RGCC: variants seen among roughly 807,000 people sequenced by gnomAD.
The protein encoded by RGCC is regulator of cell cycle RGCC.
Under a neutral mutation model 15.4 loss-of-function variants are expected in RGCC, and 15 were observed. The observed-to-expected ratio is 0.97, with a 90% CI of 0.65 to 1.50. The LOEUF (loss-of-function observed/expected upper bound fraction) is 1.50. Ranked by LOEUF, RGCC falls within the 40% of genes most tolerant of loss-of-function variation. The pLI is 0.00. For missense variants in RGCC, 176 were observed against 189.7 expected, an observed-to-expected ratio of 0.93 and a Z score of 0.42; for synonymous variants, 81 against 78.0, an observed-to-expected ratio of 1.04 and a Z score of -0.20.
chr13:41,467,010 C>T, intron 3 of RGCC, 80 bp downstream of exon 3: 1 of 880,338 alleles, frequency 1.1e-6, no homozygotes, highest in African/African-American at 1.7e-5. Context: ...TCCCTTTTAT[C>T]CCTAAACAAT....
At chr13:41,467,526 T>C (rs1272934413) in intron 3 of RGCC, among the ~76,000 whole-genome samples, 1 of 152,210 alleles carries the variant, frequency 6.6e-6, no homozygotes, top group African/African-American at 2.4e-5. Context: ...AGCTAGAGAG[T>C]TGAATGTTCT....
At chr13:41,466,551 G>A (rs952122866) in intron 2 of RGCC, among the ~76,000 whole-genome samples, 10 of 152,042 alleles carry the variant, frequency 6.6e-5, no homozygotes, top group African/African-American at 2.4e-4. Flanking sequence ...ACTATGCCTG[G>A]CTAATTTTTG....
rs2043859382 is a variant in RGCC at position 41,468,636 on chromosome 13, G to T, written c.344-140G>T. ...AATAAAAGTCTCTGAAGATAAGGAG[G>T]TAGATGTAAAATAGAAATAATCCAT... On this transcript the variant is annotated intron_variant, in intron 3 of 4. Transcript: ENST00000379359. 3 of 681,940 alleles carry T rather than the reference G, an allele frequency of 4.4e-6. No homozygotes were observed. The South Asian group carries it at 5.0e-5, about 11-fold the overall frequency. The allele number at this position is 681,940 out of a possible 1,614,324, so 42.2% of individuals were successfully genotyped here.
intron 3 of RGCC, among the ~76,000 whole-genome samples, chr13:41,467,778 T>C (rs1228690324): frequency 1.3e-5 from 2 of 152,180 alleles, no homozygotes; most frequent in Non-Finnish European, 2.9e-5. Flanking sequence ...TCTGCCACTA[T>C]CCAGCCCTCA....
Position 41,458,224 on chromosome 13 carries a change from T to G in RGCC, c.50-61T>G. 1.4e-6 allele frequency: 2 copies of G among 1,399,220 alleles called. No individual in the cohort carries two copies. Among genetic ancestry groups the G allele is most frequent in the Non-Finnish European group, 1.9e-6 (2 of 1,040,348 alleles). The allele number at this position is 1,399,220 out of a possible 1,614,324, so 86.7% of individuals were successfully genotyped here. ...GAACCGTGGCGGCCCCTCCTGGCCC[T>G]GGGAGGTGGTCCCGCTGCCCCCCTG... On this transcript the variant is annotated intron_variant, in intron 1 of 4. Coordinates refer to ENST00000379359, the MANE Select transcript of RGCC (RefSeq NM_014059.3). The surrounding 1 kb of genome is among the most constrained non-coding windows in gnomAD (Gnocchi z 4.4).
Position 41,457,979 on chromosome 13 carries a change from T to C in RGCC, c.49+223T>C, listed in dbSNP as rs542325516. Among the ~76,000 whole-genome samples the C allele has an allele frequency of 2.0e-5, 3 of 150,522 alleles. No homozygotes were observed. In the East Asian group the frequency reaches 6.0e-4, roughly 30 times the overall value. On this transcript the variant is annotated intron_variant, in intron 1 of 4. Coordinates refer to ENST00000379359, the MANE Select transcript of RGCC (RefSeq NM_014059.3). This position sits in a 1 kb window ranked among gnomAD's most constrained non-coding sequence, Gnocchi z 4.9. ...CCACCAGCTCCGCGCGCGCCCGGGG[T>C]TGGGGGGAGCGGCGGGGACAGGTAA...
chr13:41,466,430 C>T (rs1262435330), intron 2 of RGCC, among the ~76,000 whole-genome samples: 1 of 152,094 alleles, frequency 6.6e-6, no homozygotes, highest in Non-Finnish European at 1.5e-5. Context: ...ACTCTGTCAC[C>T]CAGGCTGGAG....
intron 2 of RGCC, among the ~76,000 whole-genome samples, chr13:41,460,329 C>G (rs1384697023): frequency 6.6e-6 from 1 of 152,140 alleles, no homozygotes; most frequent in Non-Finnish European, 1.5e-5. Flanking sequence ...GAATTGAGTA[C>G]AGACATTTGT....
intron 2 of RGCC, among the ~76,000 whole-genome samples, chr13:41,459,473 G>T (rs1481391393): frequency 2.0e-5 from 3 of 152,106 alleles, no homozygotes; most frequent in African/African-American, 7.2e-5. Flanking sequence ...TTGAAACCTG[G>T]AGCTCTTCCT....
Position 41,458,931 on chromosome 13 carries a change from G to A in RGCC, c.235+461G>A, listed in dbSNP as rs574113901. Among the ~76,000 whole-genome samples the A allele has an allele frequency of 3.9e-5, 6 of 152,282 alleles. No individual in the cohort carries two copies. The South Asian group carries it at 1.2e-3, about 32-fold the overall frequency. ...CATAAGCCCAAACTGCTGTTCTTGG[G>A]ATTTATGAAATAACTGCTTGCATTG... On this transcript the variant is annotated intron_variant, in intron 2 of 4. Transcript: ENST00000379359. This position sits in a 1 kb window ranked among gnomAD's most constrained non-coding sequence, Gnocchi z 4.4.
At chr13:41,466,035 AG>A (rs1193259624) in intron 2 of RGCC, among the ~76,000 whole-genome samples, 1 of 150,126 alleles carries the variant, frequency 6.7e-6, no homozygotes, top group East Asian at 2.0e-4. Flanking sequence ...TGGGGAAGCA[AG>A]GGCCTTTGGT....
chr13:41,462,717 T>C (rs2043827916), intron 2 of RGCC, among the ~76,000 whole-genome samples: 1 of 152,240 alleles, frequency 6.6e-6, no homozygotes, highest in African/African-American at 2.4e-5. Flanking sequence ...CTATTACTTT[T>C]GCAAGGAATA....
chr13:41,457,892 G>A lies in RGCC; in HGVS notation c.49+136G>A. 7.8e-7 allele frequency: 1 copy of A among 1,275,680 alleles called. No individual in the cohort carries two copies. Among genetic ancestry groups the A allele is most frequent in the Non-Finnish European group, 1.0e-6 (1 of 990,278 alleles). The allele number at this position is 1,275,680 out of a possible 1,614,324, so 79.0% of individuals were successfully genotyped here. On this transcript the variant is annotated intron_variant, in intron 1 of 4. Transcript: ENST00000379359. This position sits in a 1 kb window ranked among gnomAD's most constrained non-coding sequence, Gnocchi z 4.9. ...GCGGGAACCTGTCCCCGGTCTTCCC[G>A]CGCGGGCGGCTGCAGCCTCCTTTCC...
Position 41,457,731 on chromosome 13 carries a change from C to T in RGCC, c.24C>T (p.Gly8=). 2 of 1,422,530 alleles carry T rather than the reference C, an allele frequency of 1.4e-6. No individual in the cohort carries two copies. The highest frequency in any genetic ancestry group is 9.1e-7 in the Non-Finnish European group (1 of 1,093,008). The allele number at this position is 1,422,530 out of a possible 1,614,324, so 88.1% of individuals were successfully genotyped here. MKPPAAQ[G]SPAAAAAAAP... ...TCATGAAGCCGCCCGCGGCGCAGGG[C>T]AGCCCCGCGGCCGCCGCGGCCGCAG... Residue 8 remains glycine (G), a synonymous_variant, in exon 1 of 5, where the codon GGC becomes GGT. Coordinates refer to ENST00000379359, the MANE Select transcript of RGCC (RefSeq NM_014059.3). The surrounding 1 kb of genome is among the most constrained non-coding windows in gnomAD (Gnocchi z 4.9).
intron 2 of RGCC, among the ~76,000 whole-genome samples, chr13:41,463,216 C>A (rs1018266812): frequency 1.1e-4 from 16 of 152,146 alleles, no homozygotes; most frequent in Non-Finnish European, 2.9e-5. Flanking sequence ...GATGCCCACT[C>A]GCCAGTGGTG....
chr13:41,470,319 A>C (rs1280609818), intron 4 of RGCC, among the ~76,000 whole-genome samples, 159 bp from the exon 5 acceptor site: 3 of 152,196 alleles, frequency 2.0e-5, no homozygotes, highest in Non-Finnish European at 4.4e-5. Flanking sequence ...TGGAAATTGC[A>C]GTGGGTTGCC....
chr13:41,466,229 A>T (rs2043848467), intron 2 of RGCC, among the ~76,000 whole-genome samples: 1 of 149,722 alleles, frequency 6.7e-6, no homozygotes. Flanking sequence ...TCTCACACAC[A>T]CATATTCTCA....
intron 2 of RGCC, among the ~76,000 whole-genome samples, chr13:41,461,174 G>C (rs1412768840): frequency 1.3e-5 from 2 of 152,050 alleles, no homozygotes; most frequent in African/African-American, 4.8e-5. Context: ...TGGGGTGGGG[G>C]GTGTGGAGTT....
At position 41,468,753 on chromosome 13, in the gene RGCC, TC is replaced by T. The variant is rs2043859924; in HGVS notation, c.344-22del. 7.0e-6 allele frequency: 11 copies of T among 1,580,054 alleles called. No individual in the cohort carries two copies. The African/African-American group carries it at 1.5e-4, about 21-fold the overall frequency. On this transcript the variant is annotated intron_variant, in intron 3 of 4. Coordinates refer to ENST00000379359, the MANE Select transcript of RGCC (RefSeq NM_014059.3). ...GGAAACTGAACTCTCTCTCTCTCTC[TC>T]TCTCCCTCTCCTGTTTCACAGCTAA...
Sources: gnomAD v4.1 joint callset for allele counts (sites outside exome capture counted in the v4.1 genomes callset) on GRCh38, gnomAD v4.1.1 for gene constraint, Gnocchi (gnomAD v3.1) non-coding constraint, MANE v1.5 for transcripts, NCBI Gene and HGNC (gene_info 2026-07-23, HGNC 2026-07-21) for gene names.